The following SLC16A12 variants were observed in gnomAD, a reference collection of about 807,000 sequenced individuals.
SLC16A12 encodes monocarboxylate transporter 12.
In SLC16A12, 17 loss-of-function variants were observed where a neutral mutation model predicts 42.4. The ratio of observed to expected loss-of-function variants is 0.40; its 90% CI spans 0.27 to 0.60. The LOEUF is 0.60. Among genes scored for constraint, SLC16A12 ranks in the 20% least tolerant of loss-of-function variants. The pLI, the probability that SLC16A12 is intolerant of heterozygous loss-of-function variation, is 0.42. For synonymous variants in SLC16A12, 224 were observed against 229.4 expected (o/e 0.98, Z 0.21); for missense variants, 544 against 623.0 (o/e 0.87, Z 1.35).
In SLC16A12 at chr10:89,430,800, A is replaced by G. The variant is rs1841682381; in HGVS notation, c.*2264T>C. ...CTTATTTTTCATAAATACTTGTAAT[A>G]CTTCACAGAAATTATATTGCAGAAC... On this transcript the variant is annotated 3_prime_UTR_variant, in exon 8 of 8. Transcript: ENST00000371790. 4.6e-6 allele frequency: 2 copies of G among 432,002 alleles called. No homozygotes were observed. The highest frequency in any genetic ancestry group is 6.1e-5 in the Admixed American group (2 of 32,700). The allele number at this position is 432,002 out of a possible 1,614,324, so 26.8% of individuals were successfully genotyped here.
rs1419602204 is a variant in SLC16A12, at chr10:89,435,794, C to T, written c.1288+266G>A. 2.1e-4 allele frequency among the ~76,000 whole-genome samples: 32 copies of T among 152,066 alleles called. 1 individual carries two copies. On this transcript the variant is annotated intron_variant, in intron 7 of 7. Coordinates refer to ENST00000371790, the MANE Select transcript of SLC16A12 (RefSeq NM_213606.4). ...AACAACTGCTCCATCCCCCTGCTCC[C>T]ATCATTAATATGGAAAGGAATCAAG...
intron 2 of SLC16A12, among the ~76,000 whole-genome samples, chr10:89,508,390 G>A (rs989303087): frequency 6.6e-6 from 1 of 152,190 alleles, no homozygotes; most frequent in Non-Finnish European, 1.5e-5. Context: ...TCAGACCACA[G>A]TGCAATCAAA....
chr10:89,501,082 G>T (rs1293002016), intron 2 of SLC16A12, among the ~76,000 whole-genome samples: 1 of 152,030 alleles, frequency 6.6e-6, no homozygotes, highest in Non-Finnish European at 1.5e-5. Flanking sequence ...AAAACCTTAG[G>T]AATATACCTA....
rs143224426 is a variant in SLC16A12 at position 89,480,853 on chromosome 10, T to A, written c.-46-18229A>T. ...GAGGGAGAACTATAAATCCAAGAAATGCCATGTTTCTTGAACATTTAAACT... is the reference window on the plus strand; with the variant it reads ...GAGGGAGAACTATAAATCCAAGAAAAGCCATGTTTCTTGAACATTTAAACT... On this transcript the variant is annotated intron_variant, in intron 2 of 7. Coordinates refer to ENST00000371790, the MANE Select transcript of SLC16A12 (RefSeq NM_213606.4). 2.7e-3 allele frequency among the ~76,000 whole-genome samples: 407 copies of A among 152,272 alleles called. 4 individuals carry two copies. The highest frequency in any genetic ancestry group is 9.3e-3 in the African/African-American group (386 of 41,576).
Position 89,435,912 on chromosome 10 carries a change from T to A in SLC16A12, c.1288+148A>T, listed in dbSNP as rs149902752. 77 of 1,113,080 alleles carry A rather than the reference T, an allele frequency of 6.9e-5. No homozygotes were observed. In the African/African-American group the frequency reaches 1.0e-3, roughly 15 times the overall value. 69.0% of individuals were successfully genotyped at this position (1,113,080 alleles called of 1,614,324 possible). A position where few individuals can be genotyped will look rare whatever the true frequency, so the allele number is the denominator to read the frequency against. On this transcript the variant is annotated intron_variant, in intron 7 of 7. Coordinates refer to ENST00000371790, the MANE Select transcript of SLC16A12 (RefSeq NM_213606.4). Reference sequence around the variant, plus strand: ...AACAAGGATGTAGGTGGGACCATGATGGTTTTGGGGGCTCTTATATCCCTT... The same window carrying A: ...AACAAGGATGTAGGTGGGACCATGAAGGTTTTGGGGGCTCTTATATCCCTT...
intron 7 of SLC16A12, among the ~76,000 whole-genome samples, chr10:89,434,722 C>T (rs1841750711): frequency 6.6e-6 from 1 of 152,188 alleles, no homozygotes; most frequent in South Asian, 2.1e-4. Flanking sequence ...TCTCTTTTGC[C>T]TGTCTTCAGA....
intron 2 of SLC16A12, among the ~76,000 whole-genome samples, chr10:89,488,487 A>G (rs79664094): frequency 0.048 from 7,367 of 152,276 alleles, 585 homozygotes; most frequent in African/African-American, 0.17. Flanking sequence ...CCATGCCTAT[A>G]GGAGTGCTAA....
intron 4 of SLC16A12, among the ~76,000 whole-genome samples, chr10:89,443,055 T>G (rs566482704): frequency 6.6e-6 from 1 of 152,308 alleles, no homozygotes; most frequent in Admixed American, 6.5e-5. Flanking sequence ...AATGCCAGGT[T>G]TGTTGTCCTC....
At position 89,454,787 on chromosome 10, in the gene SLC16A12, C is replaced by A. The variant is rs550332530; in HGVS notation, c.200+7592G>T. 1.4e-4 allele frequency among the ~76,000 whole-genome samples: 22 copies of A among 152,190 alleles called. No individual in the cohort carries two copies. The South Asian group carries it at 4.6e-3, about 32-fold the overall frequency. On this transcript the variant is annotated intron_variant, in intron 3 of 7. Transcript: ENST00000371790. Reference sequence around the variant, plus strand: ...TTACGTGTTTCAACTACATGCTGGACATTTATCACACTGTGTGGCAATTTC... The same window carrying A: ...TTACGTGTTTCAACTACATGCTGGAAATTTATCACACTGTGTGGCAATTTC...
chr10:89,501,279 T>A (rs1311706988), intron 2 of SLC16A12, among the ~76,000 whole-genome samples: 1 of 152,190 alleles, frequency 6.6e-6, no homozygotes, highest in Non-Finnish European at 1.5e-5. Context: ...ACCACCATTA[T>A]TCTTCACAGA....
chr10:89,467,239 GC>G (rs1842416496), intron 2 of SLC16A12, among the ~76,000 whole-genome samples: 1 of 152,114 alleles, frequency 6.6e-6, no homozygotes, highest in Admixed American at 6.5e-5. Flanking sequence ...TATTAGTGCC[GC>G]CCTATGCTGT....
At chr10:89,475,850 C>T (rs1232157222) in intron 2 of SLC16A12, among the ~76,000 whole-genome samples, 1 of 152,158 alleles carries the variant, frequency 6.6e-6, no homozygotes, top group Non-Finnish European at 1.5e-5. Flanking sequence ...AGGTACAACT[C>T]GTGATTCACA....
chr10:89,474,394 C>T (rs1350294900), intron 2 of SLC16A12, among the ~76,000 whole-genome samples: 1 of 152,138 alleles, frequency 6.6e-6, no homozygotes, highest in Non-Finnish European at 1.5e-5. Context: ...TACTCTACGC[C>T]TAATAAATGA....
chr10:89,491,362 TA>T (rs1236880688), intron 2 of SLC16A12, among the ~76,000 whole-genome samples: 4 of 151,932 alleles, frequency 2.6e-5, no homozygotes, highest in South Asian at 2.1e-4. Context: ...GGAGCCTCCA[TA>T]AAAAAATAAA....
chr10:89,453,930 G>A lies in SLC16A12; in HGVS notation c.200+8449C>T, dbSNP rs557445902. Among the ~76,000 whole-genome samples, 258 of 152,078 alleles carry A rather than the reference G, an allele frequency of 1.7e-3. 1 individual carries two copies. Among genetic ancestry groups the A allele is most frequent in the African/African-American group, 5.7e-3 (235 of 41,498 alleles). On this transcript the variant is annotated intron_variant, in intron 3 of 7. Coordinates refer to ENST00000371790, the MANE Select transcript of SLC16A12 (RefSeq NM_213606.4). ...CCTGGAGACCAAAATCAGTCTGCCC[G>A]AGAACCACTGACCTACTCAATTGCC...
intron 2 of SLC16A12, among the ~76,000 whole-genome samples, chr10:89,525,220 C>CAAAAAAAAAAAA (rs869295721): frequency 1.5e-5 from 1 of 64,642 alleles, no homozygotes; most frequent in African/African-American, 5.4e-5. Context: ...GACACCATAT[C>CAAAAAAAAAAAA]AAAAAAAAAA....
intron 2 of SLC16A12, among the ~76,000 whole-genome samples, chr10:89,492,307 ATG>A (rs1208636209): frequency 6.6e-6 from 1 of 152,208 alleles, no homozygotes; most frequent in Non-Finnish European, 1.5e-5. Context: ...ATGGTGATAA[ATG>A]TATATAATTA....
chr10:89,437,921 G>T (rs932682822), intron 6 of SLC16A12, among the ~76,000 whole-genome samples: 11 of 152,324 alleles, frequency 7.2e-5, no homozygotes, highest in African/African-American at 2.4e-4. Context: ...CTTGCAATTT[G>T]CATTGTCAAA....
At chr10:89,516,569 G>A (rs1046655013) in intron 2 of SLC16A12, among the ~76,000 whole-genome samples, 3 of 152,118 alleles carry the variant, frequency 2.0e-5, no homozygotes, top group African/African-American at 7.2e-5. Context: ...TGGTATTAGG[G>A]CAAATTGGCT....
Sources: allele counts gnomAD v4.1 joint callset (sites outside exome capture counted in the v4.1 genomes callset), GRCh38; gene constraint gnomAD v4.1.1; transcripts MANE v1.5; gene names NCBI Gene and HGNC (gene_info 2026-07-23, HGNC 2026-07-21).